Variants in ZHX1 observed in about 807,000 individuals in gnomAD.
ZHX1 encodes the protein zinc fingers and homeoboxes protein 1.
Under a neutral mutation model 61.8 loss-of-function variants are expected in ZHX1, and 20 were observed. The observed-to-expected ratio is 0.32, with a 90% CI of 0.23 to 0.47. The LOEUF (loss-of-function observed/expected upper bound fraction) is 0.47. Among genes scored for constraint, ZHX1 ranks in the 20% least tolerant of loss-of-function variants. The pLI is 1.00. For missense variants in ZHX1, 800 were observed against 1,034.8 expected (o/e 0.77, Z 3.11); for synonymous variants, 318 against 352.6 (o/e 0.90, Z 1.10).
At chr8:123,274,439 G>C (rs954050991), upstream of ZHX1, 1 of 152,176 alleles carries the variant, frequency 6.6e-6, no homozygotes, top group Non-Finnish European at 1.5e-5. Flanking sequence ...CGGGGGCGGA[G>C]GGGGAAGGGA....
intron 3 of ZHX1, 96 bp downstream of exon 3, chr8:123,253,226 A>G: frequency 9.3e-7 from 1 of 1,071,098 alleles, no homozygotes; most frequent in Non-Finnish European, 1.3e-6. Context: ...ACTTCAGAAA[A>G]TATCAAAAAT....
chr8:123,259,501 C>A (rs1483098953), intron 2 of ZHX1, among the ~76,000 whole-genome samples: 1 of 151,934 alleles, frequency 6.6e-6, no homozygotes, highest in African/African-American at 2.4e-5. Flanking sequence ...CATCTGTAAT[C>A]CAGCTATTCA....
In ZHX1 at chr8:123,249,414, A is replaced by C. The variant is rs964263573; in HGVS notation, c.*910T>G. On this transcript the variant is annotated 3_prime_UTR_variant, in exon 4 of 4. Coordinates refer to ENST00000395571, the MANE Select transcript of ZHX1 (RefSeq NM_007222.5). ...TGAAACTGTTATAAAATTTCACTGA[A>C]AGATAACTCTTAAAAATTCTGATCT... 6.6e-6 allele frequency: 1 copy of C among 152,180 alleles called. No homozygotes were observed. Among genetic ancestry groups the C allele is most frequent in the Non-Finnish European group, 1.5e-5 (1 of 67,998 alleles). 9.4% of individuals were successfully genotyped at this position (152,180 alleles called of 1,614,324 possible). A position where few individuals can be genotyped will look rare whatever the true frequency, so the allele number is the denominator to read the frequency against.
chr8:123,260,769 C>A (rs956132301), intron 2 of ZHX1, among the ~76,000 whole-genome samples: 2 of 152,068 alleles, frequency 1.3e-5, no homozygotes, highest in African/African-American at 4.8e-5. Flanking sequence ...GTAACCCCAG[C>A]ACTTTGGGAA....
rs919068988 is a variant in ZHX1 at position 123,250,329 on chromosome 8, G to C, written c.*4-9C>G. ...TTCAACGTTTTAGGCAGCTAAAAAA[G>C]AAAAACATCATAAAAAACTGAAAAT... On this transcript the variant is annotated splice_polypyrimidine_tract_variant and intron_variant, in intron 3 of 3. Transcript: ENST00000395571. 5 of 370,596 alleles carry C rather than the reference G, an allele frequency of 1.3e-5. No individual in the cohort carries two copies. Among genetic ancestry groups the C allele is most frequent in the Non-Finnish European group, 2.7e-5 (5 of 185,418 alleles). The allele number at this position is 370,596 out of a possible 1,614,324, so 23.0% of individuals were successfully genotyped here.
intron 2 of ZHX1, chr8:123,257,057 T>A (rs1826093060): frequency 6.6e-6 from 1 of 152,128 alleles, no homozygotes; most frequent in Non-Finnish European, 1.5e-5. Flanking sequence ...TAGCTGGGAT[T>A]ACAGGCGCTT....
At chr8:123,259,982 C>G (rs62521854) in intron 2 of ZHX1, among the ~76,000 whole-genome samples, 1 of 151,888 alleles carries the variant, frequency 6.6e-6, no homozygotes, top group East Asian at 1.9e-4. Flanking sequence ...AGTGAAACCC[C>G]GTCTCTACTA....
chr8:123,273,224 G>A (rs1308473751), intron 1 of ZHX1, among the ~76,000 whole-genome samples: 1 of 152,128 alleles, frequency 6.6e-6, no homozygotes. Flanking sequence ...GGAGGAGAGA[G>A]GACAGGAAAG....
At chr8:123,262,385 CTG>C (rs772041059) in intron 2 of ZHX1, among the ~76,000 whole-genome samples, 14 of 152,046 alleles carry the variant, frequency 9.2e-5, no homozygotes, top group Non-Finnish European at 2.1e-4. Context: ...ATTATAATAA[CTG>C]TGAGGAAATA....
chr8:123,251,497 C>T (rs1381429998), intron 3 of ZHX1, among the ~76,000 whole-genome samples: 1 of 152,010 alleles, frequency 6.6e-6, no homozygotes, highest in Non-Finnish European at 1.5e-5. Flanking sequence ...ATTATCTATA[C>T]AAAATTAAAG....
chr8:123,267,347 C>T lies in ZHX1; in HGVS notation c.-300G>A. ...TTCTAGTTAGATGTTTAGCTCAGGC[C>T]ATCATTACCAACAGGTCCAAAGCAG... On this transcript the variant is annotated 5_prime_UTR_variant, in exon 2 of 4. An upstream start codon of the reference 5' UTR is lost. Transcript: ENST00000395571. 1 of 1,442,992 alleles carries T rather than the reference C, an allele frequency of 6.9e-7. No individual in the cohort carries two copies. Among genetic ancestry groups the T allele is most frequent in the Non-Finnish European group, 9.3e-7 (1 of 1,073,146 alleles). 89.4% of individuals were successfully genotyped at this position (1,442,992 alleles called of 1,614,324 possible).
At chr8:123,272,597 TA>T (rs951630821) in intron 1 of ZHX1, among the ~76,000 whole-genome samples, 2 of 152,180 alleles carry the variant, frequency 1.3e-5, no homozygotes, top group African/African-American at 4.8e-5. Context: ...GCTCCCGACA[TA>T]AAAACAAATG....
chr8:123,254,366 G>A lies in ZHX1; in HGVS notation c.1581C>T (p.Cys527=). 6.2e-7 allele frequency: 1 copy of A among 1,614,072 alleles called. No homozygotes were observed. Among genetic ancestry groups the A allele is most frequent in the Non-Finnish European group, 8.5e-7 (1 of 1,179,982 alleles). The change falls in exon 3 of 4, where the codon TGC becomes TGT. Residue 527 remains cysteine, a synonymous_variant. Coordinates refer to ENST00000395571, the MANE Select transcript of ZHX1 (RefSeq NM_007222.5). The surrounding 1 kb of genome is among the most constrained non-coding windows in gnomAD (Gnocchi z 4.1). ...TAGAGGAATCATTGTTGAGATGTAA[G>A]CACTGATTACTCTTTGAATTTCTCT... ...YNQRNSKSNQ[C]LHLNNDSSTT...
chr8:123,253,301 T>G, intron 3 of ZHX1, 21 bp downstream of exon 3: 1 of 1,562,790 alleles, frequency 6.4e-7, no homozygotes, highest in Non-Finnish European at 8.6e-7. Context: ...TATACGCAGA[T>G]TAAAAATTTT....
intron 1 of ZHX1, among the ~76,000 whole-genome samples, chr8:123,269,958 A>C (rs62521856): frequency 1.7e-5 from 1 of 59,462 alleles, no homozygotes; most frequent in Non-Finnish European, 3.1e-5. Flanking sequence ...ATACTAATCA[A>C]TCAAATTTAA....
intron 2 of ZHX1, among the ~76,000 whole-genome samples, chr8:123,260,833 C>A (rs1826226846): frequency 6.6e-6 from 1 of 151,932 alleles, no homozygotes; most frequent in Non-Finnish European, 1.5e-5. Context: ...ACCAGCCTGG[C>A]CAACATGGTG....
chr8:123,272,593 G>A (rs1027275104), intron 1 of ZHX1, among the ~76,000 whole-genome samples: 11 of 152,062 alleles, frequency 7.2e-5, no homozygotes, highest in African/African-American at 2.7e-4. Context: ...CTTCGCTCCC[G>A]ACATAAAAAC....
intron 1 of ZHX1, among the ~76,000 whole-genome samples, chr8:123,269,188 T>C (rs910139174): frequency 6.6e-6 from 1 of 152,218 alleles, no homozygotes; most frequent in South Asian, 2.1e-4. Context: ...GGGAAGGTTA[T>C]TTTCCAAAAT....
chr8:123,261,802 T>C (rs527310199), intron 2 of ZHX1, among the ~76,000 whole-genome samples: 1 of 152,226 alleles, frequency 6.6e-6, no homozygotes, highest in Non-Finnish European at 1.5e-5. Flanking sequence ...TTTTTAATAT[T>C]ATAAATTCTC....
Sources: allele counts gnomAD v4.1 joint callset (sites outside exome capture counted in the v4.1 genomes callset), GRCh38; gene constraint gnomAD v4.1.1; non-coding constraint Gnocchi (gnomAD v3.1); transcripts MANE v1.5; gene names NCBI Gene and HGNC (gene_info 2026-07-23, HGNC 2026-07-21).